PCSK6: variants seen among roughly 807,000 people sequenced by gnomAD.
PCSK6 encodes the protein proprotein convertase subtilisin/kexin type 6.
PCSK6 carries 85 observed loss-of-function variants against 123.3 expected under a neutral mutation model. That is an observed-to-expected ratio of 0.69 (90% CI 0.58 to 0.83). PCSK6 has a LOEUF of 0.83. Among genes scored for constraint, PCSK6 ranks in the 40% least tolerant of loss-of-function variants. The probability of loss-of-function intolerance (pLI) is 0.00; values close to 1 mark genes in which losing one functional copy is unlikely to be tolerated. For synonymous variants in PCSK6, 508 were observed against 516.0 expected (o/e 0.98, Z 0.21); for missense variants, 1,191 against 1,282.3 (o/e 0.93, Z 1.09).
chr15:101,398,526 G>A lies in PCSK6; in HGVS notation c.874C>T (p.Leu292=), dbSNP rs1302183096. ...TCGATGTAGTTGGGTCTGATGCCCA[G>A]CGACTTTGCCTCGACCACATCTGTG... ...DVTDVVEAKS[L]GIRPNYIDIY... is the part of the protein sequence containing the mutation. Residue 292 remains leucine, a synonymous_variant, in exon 7 of 22, where the codon CTG becomes TTG. Transcript: ENST00000611716. This position sits in a 1 kb window ranked among gnomAD's most constrained non-coding sequence, Gnocchi z 4.6. The A allele has an allele frequency of 6.2e-7, 1 of 1,613,872 alleles. No individual in the cohort carries two copies. Among genetic ancestry groups the A allele is most frequent in the Non-Finnish European group, 8.5e-7 (1 of 1,179,810 alleles).
intron 1 of PCSK6, among the ~76,000 whole-genome samples, chr15:101,455,091 A>G (rs561389314): frequency 2.0e-5 from 3 of 152,350 alleles, no homozygotes; most frequent in Admixed American, 1.3e-4. Context: ...TAAATGCCCC[A>G]AACTATACAC....
chr15:101,373,046 G>T (rs993416537), intron 11 of PCSK6, among the ~76,000 whole-genome samples: 1 of 151,888 alleles, frequency 6.6e-6, no homozygotes, highest in Non-Finnish European at 1.5e-5. Context: ...CACCTGCCCC[G>T]CCACTCTGAG....
intron 17 of PCSK6, among the ~76,000 whole-genome samples, 167 bp downstream of exon 17, chr15:101,324,683 G>T (rs1311769074): frequency 6.6e-6 from 1 of 152,198 alleles, no homozygotes; most frequent in Non-Finnish European, 1.5e-5. Flanking sequence ...ACAGGTCTGG[G>T]TGCTTTGATT....
chr15:101,419,419 C>A (rs531262926), intron 6 of PCSK6, among the ~76,000 whole-genome samples: 2 of 151,806 alleles, frequency 1.3e-5, no homozygotes, highest in Non-Finnish European at 2.9e-5. Context: ...TAAAAGAAGA[C>A]CTGAATAAAT....
At chr15:101,321,569 A>C (rs1479183359) in intron 18 of PCSK6, among the ~76,000 whole-genome samples, 2 of 152,264 alleles carry the variant, frequency 1.3e-5, no homozygotes, top group Non-Finnish European at 2.9e-5. Flanking sequence ...ATGCTCAGTA[A>C]GTTTTCTTCC....
intron 13 of PCSK6, among the ~76,000 whole-genome samples, chr15:101,353,338 A>G (rs1349165394): frequency 4.6e-5 from 7 of 152,188 alleles, no homozygotes; most frequent in Non-Finnish European, 1.0e-4. Context: ...CAGGAGGTAG[A>G]GTTCAGGCAG....
intron 6 of PCSK6, among the ~76,000 whole-genome samples, chr15:101,415,797 C>T (rs139314927): frequency 3.3e-5 from 5 of 152,308 alleles, no homozygotes; most frequent in East Asian, 3.9e-4. Context: ...AGGTTTATCA[C>T]GGGTTTCTGC....
At chr15:101,487,299 G>A (rs1324161470) in intron 1 of PCSK6, among the ~76,000 whole-genome samples, 1 of 152,256 alleles carries the variant, frequency 6.6e-6, no homozygotes, top group Non-Finnish European at 1.5e-5. Flanking sequence ...CCATGCCTGA[G>A]TGACCGGGCT....
intron 2 of PCSK6, among the ~76,000 whole-genome samples, chr15:101,438,067 A>G (rs2056652263): frequency 6.6e-6 from 1 of 152,174 alleles, no homozygotes. Flanking sequence ...AGACCTCAGA[A>G]GAAACCAACC....
In PCSK6 at chr15:101,489,379, C is replaced by A; in HGVS notation, c.292G>T (p.Gly98Cys). 1 of 1,245,638 alleles carries A rather than the reference C, an allele frequency of 8.0e-7. No individual in the cohort carries two copies. The highest frequency in any genetic ancestry group is 1.6e-5 in the South Asian group (1 of 62,494). 77.2% of individuals were successfully genotyped at this position (1,245,638 alleles called of 1,614,324 possible). ...VAAAHGYLNL[G>C]QIGNLEDYYH... ...GCGGGGCCGGCCGCACTCACCTGGC[C>A]CAAGTTGAGGTACCCGTGCGCCGCC... is the stretch of plus-strand genomic sequence containing the variant. Residue 98 changes from glycine (G) to cysteine (C), a missense_variant, in exon 1 of 22, where the codon GGC becomes TGC. This residue lies in a region of PCSK6 where 204 missense variants were observed against 166.4 expected (regional missense o/e 1.23). Transcript: ENST00000611716.
chr15:101,306,401 T>C (rs1325483586), intron 21 of PCSK6, among the ~76,000 whole-genome samples: 1 of 150,466 alleles, frequency 6.6e-6, no homozygotes, highest in Non-Finnish European at 1.5e-5. Context: ...CCCAGGGCCC[T>C]CCACAAGCTC....
At chr15:101,317,905 C>T (rs1240798692) in intron 19 of PCSK6, among the ~76,000 whole-genome samples, 3 of 152,202 alleles carry the variant, frequency 2.0e-5, no homozygotes, top group Non-Finnish European at 4.4e-5. Context: ...GCTTTGCTGC[C>T]CAGGCTGGTC....
chr15:101,376,902 G>A (rs1476973057), intron 11 of PCSK6, among the ~76,000 whole-genome samples: 1 of 152,202 alleles, frequency 6.6e-6, no homozygotes, highest in Non-Finnish European at 1.5e-5. Context: ...GAAACCAGAA[G>A]TAAGGGCCTC....
In PCSK6 at chr15:101,370,429, C is replaced by T; in HGVS notation, c.1627G>A (p.Val543Met). The T allele has an allele frequency of 6.4e-7, 1 of 1,552,122 alleles. No homozygotes were observed. Among genetic ancestry groups the T allele is most frequent in the Non-Finnish European group, 8.7e-7 (1 of 1,147,212 alleles). The part of the protein sequence containing the change: ...DQRVVYLEHV[V>M]VRTSISHPRR... Reference sequence around the variant, plus strand: ...GGGTGTGAGATGGAGGTGCGAACCACCACGTGCTCCAAGTAGACCACCCGC... The same window carrying T: ...GGGTGTGAGATGGAGGTGCGAACCATCACGTGCTCCAAGTAGACCACCCGC... Residue 543 changes from valine (V) to methionine (M), a missense_variant, in exon 12 of 22, where the codon GTG (valine) becomes ATG (methionine). Around this residue, in one of 3 missense-constraint regions of PCSK6, gnomAD observed 630 missense variants for 631.4 expected, o/e 1.00. Coordinates refer to ENST00000611716, the MANE Select transcript of PCSK6 (RefSeq NM_002570.5).
intron 13 of PCSK6, among the ~76,000 whole-genome samples, chr15:101,364,240 A>T (rs530312593): frequency 2.6e-5 from 4 of 152,228 alleles, no homozygotes; most frequent in African/African-American, 7.2e-5. Flanking sequence ...ACGACGGAAC[A>T]GTGAAAGCAA....
intron 12 of PCSK6, among the ~76,000 whole-genome samples, chr15:101,369,002 C>T (rs1029915468): frequency 9.2e-5 from 14 of 152,160 alleles, no homozygotes; most frequent in Admixed American, 5.2e-4. Context: ...CCGGGCCTCC[C>T]GGCAGGAGGG....
At chr15:101,430,806 AT>A (rs1192620476) in intron 4 of PCSK6, among the ~76,000 whole-genome samples, 1 of 152,204 alleles carries the variant, frequency 6.6e-6, no homozygotes, top group Non-Finnish European at 1.5e-5. Flanking sequence ...GTGTCCTTAC[AT>A]TTAACTAATT....
intron 1 of PCSK6, among the ~76,000 whole-genome samples, chr15:101,450,204 G>C (rs773774138): frequency 1.3e-5 from 2 of 151,400 alleles, no homozygotes; most frequent in Non-Finnish European, 2.9e-5. Flanking sequence ...TGGCCTCTTA[G>C]TCTCTCCCGT....
At chr15:101,315,125 T>C (rs2039958742) in intron 19 of PCSK6, among the ~76,000 whole-genome samples, 1 of 152,236 alleles carries the variant, frequency 6.6e-6, no homozygotes, top group East Asian at 1.9e-4. Context: ...CTCATTCTTG[T>C]TTGTACTTAA....
Sources: allele counts gnomAD v4.1 joint callset (sites outside exome capture counted in the v4.1 genomes callset), GRCh38; gene constraint gnomAD v4.1.1; regional missense constraint gnomAD v4.1.1; non-coding constraint Gnocchi (gnomAD v3.1); transcripts MANE v1.5; gene names NCBI Gene and HGNC (gene_info 2026-07-23, HGNC 2026-07-21).